The following MRPS28 variants were observed in gnomAD, a reference collection of about 807,000 sequenced individuals.
The protein encoded by MRPS28 is small ribosomal subunit protein bS1m.
In MRPS28, 7 loss-of-function variants were observed where a neutral mutation model predicts 10.8. The observed-to-expected ratio is 0.65, with a 90% CI of 0.37 to 1.22. MRPS28 has a LOEUF of 1.22. Among genes scored for constraint, MRPS28 ranks in the 50% most tolerant of loss-of-function variants. MRPS28 has a pLI of 0.02. For synonymous variants in MRPS28, 121 were observed against 93.3 expected (o/e 1.30, Z -1.71); for missense variants, 265 against 232.9 (o/e 1.14, Z -0.90).
At chr8:79,953,929 A>G (rs889854048) in intron 2 of MRPS28, among the ~76,000 whole-genome samples, 4 of 152,264 alleles carry the variant, frequency 2.6e-5, no homozygotes, top group African/African-American at 9.6e-5. Context: ...TAAAATAGAC[A>G]ATAAACATGA....
intron 1 of MRPS28, among the ~76,000 whole-genome samples, chr8:80,018,269 C>T (rs1167069163): frequency 1.8e-5 from 2 of 110,914 alleles, no homozygotes; most frequent in African/African-American, 7.3e-5. Context: ...GCAATCCAGC[C>T]TGGGAGACAG....
At chr8:80,004,623 A>G (rs1456557350) in intron 1 of MRPS28, among the ~76,000 whole-genome samples, 1 of 152,260 alleles carries the variant, frequency 6.6e-6, no homozygotes, top group African/African-American at 2.4e-5. Flanking sequence ...GCAATGGAAC[A>G]AAGCTGGACA....
At chr8:79,932,026 T>C (rs763749197) in intron 2 of MRPS28, among the ~76,000 whole-genome samples, 10 of 152,206 alleles carry the variant, frequency 6.6e-5, no homozygotes, top group Admixed American at 4.6e-4. Flanking sequence ...AGATGGGCCC[T>C]GCAGGAGTAC....
chr8:79,965,122 A>G (rs1200597735), intron 2 of MRPS28, among the ~76,000 whole-genome samples: 1 of 152,126 alleles, frequency 6.6e-6, no homozygotes, highest in African/African-American at 2.4e-5. Context: ...GTTTAAATCA[A>G]TCTACAGCCT....
At chr8:79,998,190 T>C (rs773743931) in intron 2 of MRPS28, among the ~76,000 whole-genome samples, 9 of 152,168 alleles carry the variant, frequency 5.9e-5, no homozygotes, top group African/African-American at 9.6e-5. Context: ...CCATGTGGTG[T>C]TGGTATCTGT....
At chr8:79,974,232 T>A (rs1807720561) in intron 2 of MRPS28, among the ~76,000 whole-genome samples, 1 of 152,018 alleles carries the variant, frequency 6.6e-6, no homozygotes, top group Non-Finnish European at 1.5e-5. Context: ...ATAGAAATCT[T>A]TCTAAACATA....
At position 79,958,268 on chromosome 8, in the gene MRPS28, T is replaced by C. The variant is rs1807280256; in HGVS notation, c.396-39120A>G. ...AAATGGAATCATACAATATATGATC[T>C]TTTGTGAATGGCTTCTTTCATTTGG... On this transcript the variant is annotated intron_variant, in intron 2 of 2. Transcript: ENST00000276585. The C allele has an allele frequency of 7.8e-6, 5 of 641,674 alleles. No individual in the cohort carries two copies. The South Asian group carries it at 9.0e-5, about 12-fold the overall frequency. 39.7% of individuals were successfully genotyped at this position (641,674 alleles called of 1,614,324 possible).
At chr8:79,982,269 A>C (rs930172849) in intron 2 of MRPS28, among the ~76,000 whole-genome samples, 2 of 152,160 alleles carry the variant, frequency 1.3e-5, no homozygotes, top group Admixed American at 6.5e-5. Flanking sequence ...AAAAGAAAAG[A>C]AAGAGATGGT....
chr8:79,928,872 C>A (rs1451436432), intron 2 of MRPS28, among the ~76,000 whole-genome samples: 3 of 151,846 alleles, frequency 2.0e-5, no homozygotes, highest in Non-Finnish European at 4.4e-5. Flanking sequence ...ATAGTGAAAC[C>A]CTGTCTCTAC....
chr8:80,004,185 C>G (rs2130167380), intron 1 of MRPS28, among the ~76,000 whole-genome samples: 1 of 152,320 alleles, frequency 6.6e-6, no homozygotes, highest in South Asian at 2.1e-4. Context: ...GACAGACTGC[C>G]TCCTCAAGTG....
chr8:80,007,157 C>G (rs1212773580), intron 1 of MRPS28, among the ~76,000 whole-genome samples: 10 of 152,102 alleles, frequency 6.6e-5, no homozygotes, highest in Non-Finnish European at 1.5e-4. Context: ...ATAAACAGAA[C>G]CAAAGACAAA....
At chr8:79,955,289 T>C (rs956373577) in intron 2 of MRPS28, among the ~76,000 whole-genome samples, 6 of 152,202 alleles carry the variant, frequency 3.9e-5, no homozygotes, top group Non-Finnish European at 1.5e-5. Context: ...AAGTCCAGAC[T>C]GATTTATATT....
At chr8:79,963,921 A>C (rs1253129881) in intron 2 of MRPS28, among the ~76,000 whole-genome samples, 1 of 152,154 alleles carries the variant, frequency 6.6e-6, no homozygotes, top group African/African-American at 2.4e-5. Context: ...CCAAGCTTAC[A>C]GGAGTGAAGT....
intron 1 of MRPS28, among the ~76,000 whole-genome samples, chr8:80,003,638 G>A (rs181448062): frequency 6.6e-5 from 10 of 152,286 alleles, no homozygotes; most frequent in Middle Eastern, 6.8e-3. Context: ...GGTGCTTGTC[G>A]GACAGCGGGT....
chr8:79,929,619 C>G (rs547789726), intron 2 of MRPS28, among the ~76,000 whole-genome samples: 27 of 151,998 alleles, frequency 1.8e-4, no homozygotes, highest in Middle Eastern at 6.8e-3. Flanking sequence ...CCCCCACCCC[C>G]CCAAAAGCAG....
chr8:80,024,874 T>C (rs924668277), intron 1 of MRPS28, among the ~76,000 whole-genome samples: 10 of 152,216 alleles, frequency 6.6e-5, no homozygotes, highest in Non-Finnish European at 1.0e-4. Flanking sequence ...GCTGTGGGTA[T>C]ACCATAAAGG....
chr8:79,924,048 T>TAATA (rs1810168691), intron 2 of MRPS28, among the ~76,000 whole-genome samples: 1 of 152,192 alleles, frequency 6.6e-6, no homozygotes, highest in South Asian at 2.1e-4. Context: ...ACATATTAAG[T>TAATA]AATACAAAGC....
intron 1 of MRPS28, among the ~76,000 whole-genome samples, chr8:80,013,634 C>CAAAAAAAAAAAAAAACAAAAA: frequency 1.3e-5 from 1 of 75,628 alleles, no homozygotes; most frequent in Non-Finnish European, 2.5e-5. Context: ...GACTCCATCT[C>CAAAAAAAAAAAAAAACAAAAA]AAAAAAAAAA....
chr8:79,979,056 T>C (rs1807878617), intron 2 of MRPS28, among the ~76,000 whole-genome samples: 3 of 152,160 alleles, frequency 2.0e-5, no homozygotes, highest in Admixed American at 2.0e-4. Flanking sequence ...ACTTTCAAAA[T>C]ACAGCCAGCC....
Sources: allele counts gnomAD v4.1 joint callset (sites outside exome capture counted in the v4.1 genomes callset), GRCh38; gene constraint gnomAD v4.1.1; transcripts MANE v1.5; gene names NCBI Gene and HGNC (gene_info 2026-07-23, HGNC 2026-07-21).